The following OR13C2 variants were observed in gnomAD, a reference collection of about 807,000 sequenced individuals.
OR13C2 encodes the protein olfactory receptor 13C2.
OR13C2 carries 9 observed loss-of-function variants against 12.8 expected under a neutral mutation model. That is an observed-to-expected ratio of 0.71 (90% CI 0.43 to 1.23). The LOEUF (loss-of-function observed/expected upper bound fraction) is 1.23. Among genes scored for constraint, OR13C2 ranks in the 50% most tolerant of loss-of-function variants. The probability of loss-of-function intolerance (pLI) is 0.00; values close to 1 mark genes in which losing one functional copy is unlikely to be tolerated. For synonymous variants in OR13C2, 110 were observed against 138.0 expected (o/e 0.80, Z 1.42); for missense variants, 333 against 387.0 (o/e 0.86, Z 1.17).
rs773691116 is a variant in OR13C2, at chr9:104,605,614, T to C, written c.14A>G (p.Asn5Ser). 104 of 1,608,744 alleles carry C rather than the reference T, an allele frequency of 6.5e-5. No homozygotes were observed. Among genetic ancestry groups the C allele is most frequent in the Non-Finnish European group, 8.7e-5 (102 of 1,177,674 alleles). The change falls in exon 1 of 1, where the codon AAC (asparagine) becomes AGC (serine). Residue 5 changes from asparagine to serine, a missense_variant. By Grantham distance (46) the Asn-to-Ser change is conservative. Transcript: ENST00000542196. ...AAAAAATTCCACCAGAATGGTGTGG[T>C]TTTCCCATTCCATTTTACTCTCTAT... MEWENHTILVEFFLK... is the reference protein window; with the variant it reads MEWESHTILVEFFLK...
At position 104,605,037 on chromosome 9, in the gene OR13C2, G is replaced by T; in HGVS notation, c.591C>A (p.Phe197Leu). The T allele has an allele frequency of 6.2e-7, 1 of 1,613,556 alleles. No individual in the cohort carries two copies. Among genetic ancestry groups the T allele is most frequent in the East Asian group, 2.2e-5 (1 of 44,870 alleles). ...LACADISDNE[F>L]IMLVATTLFI... ...ACAATGTTGTGGCCACAAGCATGAT[G>T]AACTCATTGTCTGAGATGTCAGCAC... The change falls in exon 1 of 1, where the codon TTC becomes TTA. Residue 197 changes from phenylalanine (F) to leucine (L), a missense_variant. By Grantham distance (22) the Phe-to-Leu change is conservative. Coordinates refer to ENST00000542196, the MANE Select transcript of OR13C2 (RefSeq NM_001004481.1).
chr9:104,605,018 T>C lies in OR13C2; in HGVS notation c.610A>G (p.Thr204Ala). The C allele has an allele frequency of 6.2e-7, 1 of 1,613,682 alleles. No homozygotes were observed. Reference protein sequence around the residue: ...DNEFIMLVATTLFILTPLLLI... With the variant: ...DNEFIMLVATALFILTPLLLI... Reference sequence around the variant, plus strand: ...AACAAAGGTGTCAATATGAACAATGTTGTGGCCACAAGCATGATGAACTCA... The same window carrying C: ...AACAAAGGTGTCAATATGAACAATGCTGTGGCCACAAGCATGATGAACTCA... The change falls in exon 1 of 1, where the codon ACA becomes GCA. Residue 204 changes from threonine to alanine, a missense_variant. Transcript: ENST00000542196.
In OR13C2 at chr9:104,605,612, G is replaced by A. The variant is rs1349256786; in HGVS notation, c.16C>T (p.His6Tyr). ...AGAAAAAATTCCACCAGAATGGTGTGGTTTTCCCATTCCATTTTACTCTCT... is the reference window on the plus strand; with the variant it reads ...AGAAAAAATTCCACCAGAATGGTGTAGTTTTCCCATTCCATTTTACTCTCT... MEWEN[H>Y]TILVEFFLKG... is the part of the protein sequence containing the mutation. Residue 6 changes from histidine (H) to tyrosine (Y), a missense_variant, in exon 1 of 1, where the codon CAC becomes TAC. By Grantham distance (83) the His-to-Tyr change is moderately conservative. Transcript: ENST00000542196. 1 of 1,608,276 alleles carries A rather than the reference G, an allele frequency of 6.2e-7. No individual in the cohort carries two copies. The highest frequency in any genetic ancestry group is 8.5e-7 in the Non-Finnish European group (1 of 1,177,490).
rs1826312508 is a variant in OR13C2, at chr9:104,604,975, T to A, written c.653A>T (p.Tyr218Phe). 1.2e-6 allele frequency: 2 copies of A among 1,613,514 alleles called. No individual in the cohort carries two copies. Among genetic ancestry groups the A allele is most frequent in the African/African-American group, 2.7e-5 (2 of 74,542 alleles). Residue 218 changes from tyrosine to phenylalanine, a missense_variant, in exon 1 of 1, where the codon TAC becomes TTC. Transcript: ENST00000542196. ...LTPLLLIIVS[Y>F]TLIIVSIFKI... ...GAAGATGCTCACAATGATTAACGTG[T>A]AAGAGACAATGATTAATAACAAAGG...
rs545406472 is a variant in OR13C2, at chr9:104,604,863, G to A, written c.765C>T (p.Ile255=). 5 of 1,613,436 alleles carry A rather than the reference G, an allele frequency of 3.1e-6. No homozygotes were observed. The Admixed American group carries it at 5.0e-5, about 16-fold the overall frequency. ...ACTTGGGCTTCATGTACATGAAGAG[G>A]ATGGTCCCATAGAATATTATGACCA... is the stretch of plus-strand genomic sequence containing the variant. ...LTVVIIFYGT[I]LFMYMKPKSK... The change falls in exon 1 of 1, where the codon ATC becomes ATT. Residue 255 remains isoleucine (I), a synonymous_variant. Transcript: ENST00000542196.
At position 104,604,765 on chromosome 9, in the gene OR13C2, G is replaced by C. The variant is rs370093290; in HGVS notation, c.863C>G (p.Thr288Ser). ...KIISMFYGVMTPMMNPLIYSL... is the reference protein window; with the variant it reads ...KIISMFYGVMSPMMNPLIYSL... Reference sequence around the variant, plus strand: ...GTAGATTAAAGGATTCATCATGGGAGTCATCACCCCATAGAACATGGATAT... The same window carrying C: ...GTAGATTAAAGGATTCATCATGGGACTCATCACCCCATAGAACATGGATAT... The change falls in exon 1 of 1, where the codon ACT becomes AGT. Residue 288 changes from threonine (T) to serine (S), a missense_variant. Coordinates refer to ENST00000542196, the MANE Select transcript of OR13C2 (RefSeq NM_001004481.1). 28 of 1,613,218 alleles carry C rather than the reference G, an allele frequency of 1.7e-5. No individual in the cohort carries two copies. Among genetic ancestry groups the C allele is most frequent in the Admixed American group, 1.2e-4 (7 of 59,940 alleles).
At position 104,605,263 on chromosome 9, in the gene OR13C2, C is replaced by A. The variant is rs138081816; in HGVS notation, c.365G>T (p.Arg122Leu). 5.0e-6 allele frequency: 8 copies of A among 1,613,636 alleles called. No individual in the cohort carries two copies. Among genetic ancestry groups the A allele is most frequent in the Non-Finnish European group, 6.8e-6 (8 of 1,180,006 alleles). The part of the protein sequence containing the change: ...CVLLGMMAFD[R>L]YVAICNPLRY... ...CAGAGGGTTGCAGATAGCCACATAGCGGTCAAAGGCCATCATGCCCAGAAG... is the reference window on the plus strand; with the variant it reads ...CAGAGGGTTGCAGATAGCCACATAGAGGTCAAAGGCCATCATGCCCAGAAG... The change falls in exon 1 of 1, where the codon CGC (arginine) becomes CTC (leucine). Residue 122 changes from arginine to leucine, a missense_variant. Coordinates refer to ENST00000542196, the MANE Select transcript of OR13C2 (RefSeq NM_001004481.1).
chr9:104,604,816 T>C lies in OR13C2; in HGVS notation c.812A>G (p.Asp271Gly), dbSNP rs1417453454. Reference sequence around the variant, plus strand: ...AATTTTGTCGGTAGCATCCAAGTCATCCGAATTAAGTGTCTCTTTAGACTT... The same window carrying C: ...AATTTTGTCGGTAGCATCCAAGTCACCCGAATTAAGTGTCTCTTTAGACTT... ...KPKSKETLNS[D>G]DLDATDKIIS... Residue 271 changes from aspartate to glycine, a missense_variant, in exon 1 of 1, where the codon GAT becomes GGT. Asp to Gly is a moderately conservative substitution (Grantham distance 94). Coordinates refer to ENST00000542196, the MANE Select transcript of OR13C2 (RefSeq NM_001004481.1). 6 of 1,613,408 alleles carry C rather than the reference T, an allele frequency of 3.7e-6. No homozygotes were observed. The highest frequency in any genetic ancestry group is 5.1e-6 in the Non-Finnish European group (6 of 1,179,912).
chr9:104,605,158 G>A lies in OR13C2; in HGVS notation c.470C>T (p.Ala157Val), dbSNP rs768722886. 2.5e-6 allele frequency: 4 copies of A among 1,612,742 alleles called. No homozygotes were observed. The highest frequency in any genetic ancestry group is 1.1e-5 in the South Asian group (1 of 91,056). ...TTGTACCACAAACACTGATTGTACT[G>A]CAGAATTGACAGCTCCTATGATCCA... ...GSWIIGAVNS[A>V]VQSVFVVQLP... The change falls in exon 1 of 1, where the codon GCA (alanine) becomes GTA (valine). Residue 157 changes from alanine (A) to valine (V), a missense_variant. Ala to Val is a moderately conservative substitution (Grantham distance 64, BLOSUM62 0). Coordinates refer to ENST00000542196, the MANE Select transcript of OR13C2 (RefSeq NM_001004481.1).
chr9:104,605,038 A>T lies in OR13C2; in HGVS notation c.590T>A (p.Phe197Tyr). Reference protein sequence around the residue: ...LACADISDNEFIMLVATTLFI... With the variant: ...LACADISDNEYIMLVATTLFI... Reference sequence around the variant, plus strand: ...CAATGTTGTGGCCACAAGCATGATGAACTCATTGTCTGAGATGTCAGCACA... The same window carrying T: ...CAATGTTGTGGCCACAAGCATGATGTACTCATTGTCTGAGATGTCAGCACA... The change falls in exon 1 of 1, where the codon TTC (phenylalanine) becomes TAC (tyrosine). Residue 197 changes from phenylalanine (F) to tyrosine (Y), a missense_variant. Phe to Tyr is a conservative substitution (Grantham distance 22). Transcript: ENST00000542196. The T allele has an allele frequency of 1.9e-6, 3 of 1,613,708 alleles. No individual in the cohort carries two copies. Among genetic ancestry groups the T allele is most frequent in the Non-Finnish European group, 2.5e-6 (3 of 1,180,000 alleles).
Position 104,604,686 on chromosome 9 carries a change from C to CCTT in OR13C2, c.939_941dup (p.Arg314dup), listed in dbSNP as rs1469910388. On this transcript the variant is annotated inframe_insertion, in exon 1 of 1. Coordinates refer to ENST00000542196, the MANE Select transcript of OR13C2 (RefSeq NM_001004481.1). Reference sequence around the variant, plus strand: ...CATTTTGCACTCACTTGCTAAAGAACCTTCTGTTCAGTAGGTGTTTTACTG... The same window carrying CCTT: ...CATTTTGCACTCACTTGCTAAAGAACCTTCTTCTGTTCAGTAGGTGTTTTACTG... 2 of 1,606,486 alleles carry CCTT rather than the reference C, an allele frequency of 1.2e-6. No individual in the cohort carries two copies. The highest frequency in any genetic ancestry group is 2.7e-5 in the African/African-American group (2 of 74,010).
At position 104,605,358 on chromosome 9, in the gene OR13C2, C is replaced by A. The variant is rs751316442; in HGVS notation, c.270G>T (p.Lys90Asn). 6.2e-7 allele frequency: 1 copy of A among 1,609,546 alleles called. No homozygotes were observed. The highest frequency in any genetic ancestry group is 8.5e-7 in the Non-Finnish European group (1 of 1,179,744). ...CTGCACAGCCAGAAAGGGAAATGGT[C>A]TTTCTTTCTGAAAGGAAGCTCACTA... ...STLVSFLSER[K>N]TISLSGCAVQ... The change falls in exon 1 of 1, where the codon AAG (lysine) becomes AAT (asparagine). Residue 90 changes from lysine to asparagine, a missense_variant. Lys to Asn is a moderately conservative substitution (Grantham distance 94). Transcript: ENST00000542196.
In OR13C2 at chr9:104,605,001, T is replaced by C. The variant is rs1222976622; in HGVS notation, c.627A>G (p.Thr209=). ...AAGAGACAATGATTAATAACAAAGGTGTCAATATGAACAATGTTGTGGCCA... is the reference window on the plus strand; with the variant it reads ...AAGAGACAATGATTAATAACAAAGGCGTCAATATGAACAATGTTGTGGCCA... ...MLVATTLFIL[T]PLLLIIVSYT... is the part of the protein sequence containing the mutation. Residue 209 remains threonine (T), a synonymous_variant, in exon 1 of 1, where the codon ACA becomes ACG. Coordinates refer to ENST00000542196, the MANE Select transcript of OR13C2 (RefSeq NM_001004481.1). The C allele has an allele frequency of 1.9e-6, 3 of 1,613,528 alleles. No individual in the cohort carries two copies. The highest frequency in any genetic ancestry group is 2.2e-5 in the East Asian group (1 of 44,848).
rs367704631 is a variant in OR13C2, at chr9:104,604,698, T to C, written c.930A>G (p.Leu310=). 5.0e-6 allele frequency: 8 copies of C among 1,611,800 alleles called. No homozygotes were observed. The African/African-American group carries it at 8.1e-5, about 16-fold the overall frequency. The change falls in exon 1 of 1, where the codon CTA becomes CTG. Residue 310 remains leucine, a synonymous_variant. Coordinates refer to ENST00000542196, the MANE Select transcript of OR13C2 (RefSeq NM_001004481.1). The stretch of plus-strand genomic sequence containing the variant: ...ACTTGCTAAAGAACCTTCTGTTCAG[T>C]AGGTGTTTTACTGCCTCTTTCACAT... ...NKDVKEAVKH[L]LNRRFFSK is the part of the protein sequence containing the mutation.
rs1202626421 is a variant in OR13C2, at chr9:104,605,084, G to A, written c.544C>T (p.Leu182=). The change falls in exon 1 of 1, where the codon CTG becomes TTG. Residue 182 remains leucine, a synonymous_variant. Transcript: ENST00000542196. ...NIINHFTCEI[L]AVMKLACADI... ...GCACAGGCCAGTTTCATGACAGCCAGAATTTCACAGGTGAAATGATTGATG... is the reference window on the plus strand; with the variant it reads ...GCACAGGCCAGTTTCATGACAGCCAAAATTTCACAGGTGAAATGATTGATG... 6.2e-7 allele frequency: 1 copy of A among 1,611,732 alleles called. No homozygotes were observed. Among genetic ancestry groups the A allele is most frequent in the East Asian group, 2.2e-5 (1 of 44,688 alleles).
rs76354395 is a variant in OR13C2, at chr9:104,605,609, T to C, written c.19A>G (p.Thr7Ala). 2.5e-6 allele frequency: 4 copies of C among 1,608,072 alleles called. No individual in the cohort carries two copies. The East Asian group carries it at 8.9e-5, about 36-fold the overall frequency. The change falls in exon 1 of 1, where the codon ACC becomes GCC. Residue 7 changes from threonine (T) to alanine (A), a missense_variant. Thr to Ala is a moderately conservative substitution (Grantham distance 58). Transcript: ENST00000542196. The stretch of plus-strand genomic sequence containing the variant: ...TTCAGAAAAAATTCCACCAGAATGG[T>C]GTGGTTTTCCCATTCCATTTTACTC... MEWENH[T>A]ILVEFFLKGL... is the part of the protein sequence containing the mutation.
chr9:104,605,177 T>A lies in OR13C2; in HGVS notation c.451A>T (p.Ile151Leu). ...TGTACTGCAGAATTGACAGCTCCTA[T>A]GATCCAGGACCCAGCTGCCATGGGT... ...YVPMAAGSWIIGAVNSAVQSV... is the reference protein window; with the variant it reads ...YVPMAAGSWILGAVNSAVQSV... Residue 151 changes from isoleucine to leucine, a missense_variant, in exon 1 of 1, where the codon ATA becomes TTA. Coordinates refer to ENST00000542196, the MANE Select transcript of OR13C2 (RefSeq NM_001004481.1). 1 of 1,613,388 alleles carries A rather than the reference T, an allele frequency of 6.2e-7. No individual in the cohort carries two copies.
Position 104,605,079 on chromosome 9 carries a change from A to T in OR13C2, c.549T>A (p.Ala183=). ...TGTCAGCACAGGCCAGTTTCATGAC[A>T]GCCAGAATTTCACAGGTGAAATGAT... ...IINHFTCEIL[A]VMKLACADIS... The change falls in exon 1 of 1, where the codon GCT becomes GCA. Residue 183 remains alanine, a synonymous_variant. Coordinates refer to ENST00000542196, the MANE Select transcript of OR13C2 (RefSeq NM_001004481.1). 1 of 1,612,684 alleles carries T rather than the reference A, an allele frequency of 6.2e-7. No individual in the cohort carries two copies. The highest frequency in any genetic ancestry group is 8.5e-7 in the Non-Finnish European group (1 of 1,179,964).
Position 104,605,391 on chromosome 9 carries a change from G to A in OR13C2, c.237C>T (p.Pro79=), listed in dbSNP as rs761066033. The A allele has an allele frequency of 1.9e-6, 3 of 1,612,858 alleles. No homozygotes were observed. Among genetic ancestry groups the A allele is most frequent in the East Asian group, 2.2e-5 (1 of 44,822 alleles). ...LDICYTTTSI[P]STLVSFLSER... is the part of the protein sequence containing the mutation. ...CTGAAAGGAAGCTCACTAGCGTGGA[G>A]GGAATAGAGGTGGTGGTGTAGCAGA... is the stretch of plus-strand genomic sequence containing the variant. Residue 79 remains proline (P), a synonymous_variant, in exon 1 of 1, where the codon CCC becomes CCT. Transcript: ENST00000542196.
Sources: gnomAD v4.1 joint callset for allele counts on GRCh38, gnomAD v4.1.1 for gene constraint, MANE v1.5 for transcripts, NCBI Gene and HGNC (gene_info 2026-07-23, HGNC 2026-07-21) for gene names.